Variants in EXOSC10 observed in about 807,000 individuals in gnomAD.
EXOSC10 encodes exosome complex component 10.
EXOSC10 carries 94 observed loss-of-function variants against 126.6 expected under a neutral mutation model. That is an observed-to-expected ratio of 0.74 (90% CI 0.63 to 0.88). The LOEUF is 0.88. Ranked by LOEUF, EXOSC10 falls within the 40% of genes least tolerant of loss-of-function variation. EXOSC10 has a pLI of 0.00. For missense variants in EXOSC10, 1,041 were observed against 1,100.5 expected, an observed-to-expected ratio of 0.95 and a Z score of 0.77; for synonymous variants, 395 against 400.8, an observed-to-expected ratio of 0.99 and a Z score of 0.17.
rs763592571 is a variant in EXOSC10 at position 11,091,123 on chromosome 1, T to G, written c.534A>C (p.Lys178Asn). The G allele has an allele frequency of 1.9e-6, 3 of 1,614,072 alleles. No individual in the cohort carries two copies. The African/African-American group carries it at 4.0e-5, about 22-fold the overall frequency. ...ACTTGAGCTGAGGTCGGATGATATTTTTTGCATGAAGCAGCCGGAAAGTTT... is the reference window on the plus strand; with the variant it reads ...ACTTGAGCTGAGGTCGGATGATATTGTTTGCATGAAGCAGCCGGAAAGTTT... The part of the protein sequence containing the change: ...KSETFRLLHA[K>N]NIIRPQLKFR... The change falls in exon 5 of 25, where the codon AAA becomes AAC. Residue 178 changes from lysine to asparagine, a missense_variant. Physicochemically the swap from Lys to Asn is moderately conservative, Grantham distance 94 (BLOSUM62 0). Transcript: ENST00000376936.
At chr1:11,095,659 A>C (rs907686227) in intron 3 of EXOSC10, 99 bp downstream of exon 3, 1 of 1,091,364 alleles carries the variant, frequency 9.2e-7, no homozygotes, top group Admixed American at 1.9e-5. Context: ...GCTTGCAGTG[A>C]GTCGAGATCG....
intron 6 of EXOSC10, among the ~76,000 whole-genome samples, chr1:11,089,994 ATC>A (rs1201308697): frequency 6.5e-5 from 8 of 123,460 alleles, no homozygotes; most frequent in Non-Finnish European, 1.3e-4. Context: ...TTGCTTTTAC[ATC>A]TTTTTTTTTT....
In EXOSC10 at chr1:11,069,612, T is replaced by C; in HGVS notation, c.2435A>G (p.Glu812Gly). The C allele has an allele frequency of 1.2e-6, 2 of 1,614,216 alleles. No homozygotes were observed. The highest frequency in any genetic ancestry group is 1.7e-6 in the Non-Finnish European group (2 of 1,180,038). Residue 812 changes from glutamate (E) to glycine (G), a missense_variant, in exon 22 of 25, where the codon GAA (glutamate) becomes GGA (glycine). Glu to Gly is a moderately conservative substitution (Grantham distance 98). Coordinates refer to ENST00000376936, the MANE Select transcript of EXOSC10 (RefSeq NM_001001998.3). ...SKKPKDPEPP[E>G]KEFTPYDYSQ... ...GTAGTCGTAAGGCGTAAACTCTTTT[T>C]CTGGTGGCTCTGGGTCCTTTGGCTT...
Position 11,095,843 on chromosome 1 carries a change from T to C in EXOSC10, c.287A>G (p.Asn96Ser). The change falls in exon 3 of 25, where the codon AAC (asparagine) becomes AGC (serine). Residue 96 changes from asparagine (N) to serine (S), a missense_variant. Physicochemically the swap from Asn to Ser is conservative, Grantham distance 46 (BLOSUM62 1). Transcript: ENST00000376936. ...AGTCACTTTACTTCGATCCTTAATG[T>C]TGCTGCGACACCCATGGTACTGCAT... ...RVMQYHGCRS[N>S]IKDRSKVTEL... 1.2e-5 allele frequency: 19 copies of C among 1,614,106 alleles called. No homozygotes were observed. The highest frequency in any genetic ancestry group is 1.6e-5 in the Non-Finnish European group (19 of 1,179,906).
intron 9 of EXOSC10, among the ~76,000 whole-genome samples, chr1:11,083,914 G>A (rs1640340439): frequency 6.6e-6 from 1 of 152,112 alleles, no homozygotes; most frequent in South Asian, 2.1e-4. Flanking sequence ...TACTGAGAAT[G>A]ATGATTTCCA....
intron 9 of EXOSC10, among the ~76,000 whole-genome samples, chr1:11,083,486 C>T (rs986102874): frequency 2.7e-5 from 4 of 146,962 alleles, no homozygotes; most frequent in South Asian, 4.4e-4. Context: ...TGCTTGAACC[C>T]GAGAGGCAGA....
intron 9 of EXOSC10, among the ~76,000 whole-genome samples, chr1:11,083,562 C>CAAAAAAAAAAAAAAAAAAAAAA (rs35412224): frequency 4.1e-4 from 27 of 65,858 alleles, no homozygotes; most frequent in African/African-American, 8.8e-4. Flanking sequence ...AACTCCGTCT[C>CAAAAAAAAAAAAAAAAAAAAAA]AAAAAAAAAA....
chr1:11,096,324 T>C (rs1641084447), intron 2 of EXOSC10, among the ~76,000 whole-genome samples: 1 of 152,100 alleles, frequency 6.6e-6, no homozygotes, highest in Non-Finnish European at 1.5e-5. Flanking sequence ...CTAATTTTTG[T>C]ATTTTTAGTA....
At chr1:11,088,377 G>A (rs1338841389) in intron 6 of EXOSC10, among the ~76,000 whole-genome samples, 179 bp from the exon 7 acceptor site, 1 of 152,130 alleles carries the variant, frequency 6.6e-6, no homozygotes, top group African/African-American at 2.4e-5. Context: ...GATGATATTT[G>A]CTCACTCTTA....
intron 20 of EXOSC10, 135 bp from the exon 21 acceptor site, chr1:11,071,108 C>T (rs1462719870): frequency 2.8e-6 from 2 of 714,438 alleles, no homozygotes; most frequent in Non-Finnish European, 4.7e-6. Context: ...GGTCCCCGGT[C>T]CCCCATCTCT....
chr1:11,078,468 G>A (rs1247453823), intron 14 of EXOSC10, among the ~76,000 whole-genome samples: 4 of 151,724 alleles, frequency 2.6e-5, no homozygotes, highest in Admixed American at 6.6e-5. Context: ...CGTTTTAGCC[G>A]GGATGGTCTC....
At chr1:11,076,234 G>A (rs954116353) in intron 17 of EXOSC10, among the ~76,000 whole-genome samples, 1 of 151,984 alleles carries the variant, frequency 6.6e-6, no homozygotes, top group African/African-American at 2.4e-5. Flanking sequence ...TGTAATCCCA[G>A]CTACTCAGGA....
In EXOSC10 at chr1:11,076,959, A is replaced by C; in HGVS notation, c.1880-11T>G. 1.2e-6 allele frequency: 2 copies of C among 1,600,628 alleles called. No individual in the cohort carries two copies. The highest frequency in any genetic ancestry group is 1.7e-6 in the Non-Finnish European group (2 of 1,168,398). On this transcript the variant is annotated splice_polypyrimidine_tract_variant and intron_variant, in intron 16 of 24. Coordinates refer to ENST00000376936, the MANE Select transcript of EXOSC10 (RefSeq NM_001001998.3). ...GAACTGGCACAGATCCTAGAGGAGC[A>C]GAAGATAGTAAGGTCAAAGCCTACA...
At chr1:11,096,777 C>G (rs1641122377) in intron 2 of EXOSC10, among the ~76,000 whole-genome samples, 2 of 152,148 alleles carry the variant, frequency 1.3e-5, no homozygotes, top group South Asian at 4.1e-4. Flanking sequence ...CCATGTCTGG[C>G]CCCTGATACT....
At chr1:11,093,837 G>C (rs770404887) in intron 3 of EXOSC10, among the ~76,000 whole-genome samples, 2 of 151,638 alleles carry the variant, frequency 1.3e-5, no homozygotes, top group African/African-American at 4.9e-5. Context: ...AGGCTGAGGT[G>C]GGGGGGGATT....
intron 23 of EXOSC10, 68 bp downstream of exon 23, chr1:11,068,577 C>T (rs992578385): frequency 2.5e-6 from 3 of 1,223,030 alleles, no homozygotes; most frequent in Non-Finnish European, 3.6e-6. Context: ...GGCCTGTCTT[C>T]TCAGCAGAGG....
At chr1:11,068,164 G>T in intron 23 of EXOSC10, 80 bp from the exon 24 acceptor site, 1 of 1,140,506 alleles carries the variant, frequency 8.8e-7, no homozygotes, top group Non-Finnish European at 1.3e-6. Flanking sequence ...GAGCTCAGGT[G>T]GCCAAAGATT....
At position 11,069,686 on chromosome 1, in the gene EXOSC10, T is replaced by C. The variant is rs749557592; in HGVS notation, c.2361A>G (p.Pro787=). 25 of 1,614,016 alleles carry C rather than the reference T, an allele frequency of 1.5e-5. No homozygotes were observed. In the Admixed American group the frequency reaches 2.2e-4, roughly 14 times the overall value. Residue 787 remains proline (P), a synonymous_variant, in exon 22 of 25, where the codon CCA becomes CCG. Transcript: ENST00000376936. ...AKKRERATSD[P]RTTEQKQEKK... Reference sequence around the variant, plus strand: ...TCTCTTGTTTCTGTTCTGTGGTCCTTGGGTCGCTTGTTGCTCGCTCTCTCT... The same window carrying C: ...TCTCTTGTTTCTGTTCTGTGGTCCTCGGGTCGCTTGTTGCTCGCTCTCTCT...
intron 14 of EXOSC10, among the ~76,000 whole-genome samples, chr1:11,078,479 G>A (rs979693832): frequency 4.0e-5 from 6 of 151,764 alleles, no homozygotes; most frequent in South Asian, 2.1e-4. Context: ...GGATGGTCTC[G>A]ATCTCCTGAC....
Sources: allele counts gnomAD v4.1 joint callset (sites outside exome capture counted in the v4.1 genomes callset), GRCh38; gene constraint gnomAD v4.1.1; transcripts MANE v1.5; gene names NCBI Gene and HGNC (gene_info 2026-07-23, HGNC 2026-07-21).